The following LRRC1 variants were observed in gnomAD, a reference collection of about 807,000 sequenced individuals.
LRRC1 encodes leucine rich repeat containing 1.
In LRRC1, 28 loss-of-function variants were observed where a neutral mutation model predicts 69.9. The observed-to-expected ratio is 0.40, with a 90% CI of 0.30 to 0.55. The LOEUF (loss-of-function observed/expected upper bound fraction) is 0.55, where lower values mean the gene tolerates loss of function less well. Among genes scored for constraint, LRRC1 ranks in the 20% least tolerant of loss-of-function variants. The pLI is 0.47. For missense variants in LRRC1, 498 were observed against 609.0 expected (o/e 0.82, Z 1.92); for synonymous variants, 236 against 240.2 (o/e 0.98, Z 0.16).
At chr6:53,862,286 CGTGTGTGTGTGTGTGT>C (rs6149589) in intron 2 of LRRC1, among the ~76,000 whole-genome samples, 2 of 144,368 alleles carry the variant, frequency 1.4e-5, no homozygotes, top group East Asian at 2.0e-4. Context: ...TAACCTGAAT[CGTGTGTGTGTGTGTGT>C]GTGTGTGTGT....
At chr6:53,853,840 A>G (rs765498514) in intron 2 of LRRC1, among the ~76,000 whole-genome samples, 7 of 152,206 alleles carry the variant, frequency 4.6e-5, no homozygotes, top group Admixed American at 6.5e-5. Context: ...GCTTTCTTCT[A>G]TGGAGATGAC....
intron 1 of LRRC1, among the ~76,000 whole-genome samples, chr6:53,834,988 A>C (rs866110166): frequency 3.9e-5 from 6 of 152,272 alleles, no homozygotes; most frequent in Middle Eastern, 3.4e-3. Context: ...AAAAATAAAT[A>C]AATAAAAGTA....
intron 4 of LRRC1, among the ~76,000 whole-genome samples, chr6:53,888,458 A>G (rs1396720585): frequency 6.6e-6 from 1 of 152,210 alleles, no homozygotes; most frequent in Non-Finnish European, 1.5e-5. Context: ...AAGAAGACTC[A>G]ATAAGTGGTA....
At chr6:53,827,323 A>AG (rs1037113574) in intron 1 of LRRC1, among the ~76,000 whole-genome samples, 3 of 151,988 alleles carry the variant, frequency 2.0e-5, no homozygotes, top group Non-Finnish European at 2.9e-5. Flanking sequence ...AAAAAAAAAA[A>AG]AAACAGTTGA....
rs1207445884 is a variant in LRRC1, at chr6:53,808,810, C to A, written c.159+13395C>A. ...AAGGGGAACAGAGAGACATCCATGACCCCTGCACTCAAGCCTGAGTGACAG... is the reference window on the plus strand; with the variant it reads ...AAGGGGAACAGAGAGACATCCATGAACCCTGCACTCAAGCCTGAGTGACAG... On this transcript the variant is annotated intron_variant, in intron 1 of 13. Transcript: ENST00000370888. Among the ~76,000 whole-genome samples the A allele has an allele frequency of 2.0e-5, 3 of 152,112 alleles. No individual in the cohort carries two copies. The South Asian group carries it at 6.2e-4, about 32-fold the overall frequency.
At chr6:53,879,251 C>G (rs79737126) in intron 3 of LRRC1, among the ~76,000 whole-genome samples, 180 bp downstream of exon 3, 2,041 of 152,266 alleles carry the variant, frequency 0.013, 45 homozygotes, top group African/African-American at 0.042. Context: ...GAAAGGCGTA[C>G]TATTCTATTG....
At chr6:53,919,348 G>A in intron 11 of LRRC1, 150 bp from the exon 12 acceptor site, 1 of 560,756 alleles carries the variant, frequency 1.8e-6, no homozygotes, top group Non-Finnish European at 2.9e-6. Context: ...AGAGTATGTT[G>A]CGTCTTAAAA....
chr6:53,800,394 G>C (rs1562020701), intron 1 of LRRC1, among the ~76,000 whole-genome samples: 2 of 151,562 alleles, frequency 1.3e-5, no homozygotes, highest in Non-Finnish European at 2.9e-5. Context: ...TGGGATTACA[G>C]GCGCACACCA....
chr6:53,891,267 G>A (rs932371444), intron 4 of LRRC1, among the ~76,000 whole-genome samples: 2 of 151,282 alleles, frequency 1.3e-5, no homozygotes, highest in Non-Finnish European at 2.9e-5. Context: ...GTTTTTTTTT[G>A]GTAGGAGGAG....
chr6:53,892,248 G>A (rs1223236251), intron 4 of LRRC1, among the ~76,000 whole-genome samples: 4 of 152,024 alleles, frequency 2.6e-5, no homozygotes, highest in Admixed American at 2.6e-4. Flanking sequence ...CATCCGATAA[G>A]TTAATTCTCA....
intron 2 of LRRC1, among the ~76,000 whole-genome samples, chr6:53,855,269 GT>G (rs1180432556): frequency 1.3e-5 from 2 of 152,232 alleles, no homozygotes; most frequent in African/African-American, 4.8e-5. Context: ...AACATTAACA[GT>G]TGATGTCTTG....
chr6:53,842,509 A>T (rs1344328969), intron 2 of LRRC1, among the ~76,000 whole-genome samples: 1 of 152,238 alleles, frequency 6.6e-6, no homozygotes, highest in African/African-American at 2.4e-5. Context: ...TTTCCAAAAA[A>T]AATTTCATAA....
Position 53,899,807 on chromosome 6 carries a change from C to A in LRRC1, c.703C>A (p.Leu235Ile). 1 of 1,614,106 alleles carries A rather than the reference C, an allele frequency of 6.2e-7. No homozygotes were observed. Among genetic ancestry groups the A allele is most frequent in the South Asian group, 1.1e-5 (1 of 91,082 alleles). The change falls in exon 8 of 14, where the codon CTT (leucine) becomes ATT (isoleucine). Residue 235 changes from leucine (L) to isoleucine (I), a missense_variant. Around this residue, in one of 3 missense-constraint regions of LRRC1, gnomAD observed 266 missense variants for 383.9 expected, o/e 0.69. Transcript: ENST00000370888. ...TGTCTCTGAAAACAGGTTGGAAAGA[C>A]TTCCTGAAGAAATCAGTGGCCTGAC... is the stretch of plus-strand genomic sequence containing the variant. The part of the protein sequence containing the change: ...LDVSENRLER[L>I]PEEISGLTSL...
intron 2 of LRRC1, among the ~76,000 whole-genome samples, chr6:53,861,640 A>G (rs1766525890): frequency 6.6e-6 from 1 of 152,020 alleles, no homozygotes; most frequent in Admixed American, 6.6e-5. Flanking sequence ...TGGTGAGACT[A>G]TTGAGAATCA....
intron 1 of LRRC1, among the ~76,000 whole-genome samples, chr6:53,800,771 C>A (rs937243014): frequency 1.3e-5 from 2 of 151,704 alleles, no homozygotes; most frequent in African/African-American, 2.4e-5. Context: ...CCCTGAGTAG[C>A]TGGGATTACA....
chr6:53,836,921 C>T (rs1382863600), intron 1 of LRRC1, among the ~76,000 whole-genome samples: 1 of 152,106 alleles, frequency 6.6e-6, no homozygotes, highest in Admixed American at 6.5e-5. Flanking sequence ...CCTCTGTATG[C>T]ATCTGTAAAC....
intron 1 of LRRC1, among the ~76,000 whole-genome samples, chr6:53,827,522 T>A (rs1765307716): frequency 6.6e-6 from 1 of 152,104 alleles, no homozygotes; most frequent in South Asian, 2.1e-4. Flanking sequence ...GGTAATTGGG[T>A]AAAGGCCTCA....
At chr6:53,873,062 G>A (rs1766947286) in intron 2 of LRRC1, among the ~76,000 whole-genome samples, 1 of 151,400 alleles carries the variant, frequency 6.6e-6, no homozygotes, top group Admixed American at 6.6e-5. Context: ...TGGCCACAAT[G>A]TTAATTCTTC....
At chr6:53,804,596 T>C (rs1053699409) in intron 1 of LRRC1, among the ~76,000 whole-genome samples, 2 of 152,258 alleles carry the variant, frequency 1.3e-5, no homozygotes, top group African/African-American at 4.8e-5. Flanking sequence ...GCGAGTGCTA[T>C]AGTATTCCAT....
Sources: gnomAD v4.1 joint callset for allele counts (sites outside exome capture counted in the v4.1 genomes callset) on GRCh38, gnomAD v4.1.1 for gene constraint, gnomAD v4.1.1 regional missense constraint, MANE v1.5 for transcripts, NCBI Gene and HGNC (gene_info 2026-07-23, HGNC 2026-07-21) for gene names.